The following KIAA1549 variants were observed in gnomAD, a reference collection of about 807,000 sequenced individuals.
The protein encoded by KIAA1549 is UPF0606 protein KIAA1549.
In KIAA1549, 70 loss-of-function variants were observed where a neutral mutation model predicts 156.4. The ratio of observed to expected loss-of-function variants is 0.45; its 90% CI spans 0.37 to 0.55. The LOEUF (loss-of-function observed/expected upper bound fraction) is 0.55. KIAA1549 is among the 20% of genes least tolerant of loss of function. The pLI, the probability that KIAA1549 is intolerant of heterozygous loss-of-function variation, is 0.00. For missense variants in KIAA1549, 2,428 were observed against 2,540.9 expected (o/e 0.96, Z 0.96); for synonymous variants, 1,103 against 1,066.4 (o/e 1.03, Z -0.67).
chr7:138,921,195 A>G (rs899709747), intron 1 of KIAA1549, among the ~76,000 whole-genome samples: 3 of 151,762 alleles, frequency 2.0e-5, no homozygotes, highest in African/African-American at 7.3e-5. Context: ...TTAGGAAGAA[A>G]AATATCCACT....
At chr7:138,893,625 C>T (rs1359204121) in intron 10 of KIAA1549, among the ~76,000 whole-genome samples, 2 of 152,174 alleles carry the variant, frequency 1.3e-5, no homozygotes, top group East Asian at 1.9e-4. Context: ...ATGTATTGTT[C>T]GTTTTTAATG....
chr7:138,841,857 T>G (rs546310219), intron 18 of KIAA1549, among the ~76,000 whole-genome samples: 1 of 150,352 alleles, frequency 6.7e-6, no homozygotes, highest in South Asian at 2.1e-4. Context: ...TGAGCTATCG[T>G]ACCTGACCGA....
At chr7:138,964,964 TTTC>T (rs1373446333) in intron 1 of KIAA1549, among the ~76,000 whole-genome samples, 1 of 150,452 alleles carries the variant, frequency 6.6e-6, no homozygotes, top group African/African-American at 2.5e-5. Flanking sequence ...TTTGTTTTTT[TTTC>T]TTTTTTTTTT....
Position 138,871,334 on chromosome 7 carries a change from C to A in KIAA1549, c.4374G>T (p.Glu1458Asp). The A allele has an allele frequency of 6.4e-7, 1 of 1,573,280 alleles. No homozygotes were observed. The highest frequency in any genetic ancestry group is 1.9e-5 in the Admixed American group (1 of 53,840). The stretch of plus-strand genomic sequence containing the variant: ...CGAAGATGGAGGCTGATGAGTGCTG[C>A]TCATTTCCCGAACTGGGCAGTGGTG... The part of the protein sequence containing the change: ...SGPPLPSSGN[E>D]QHSSASIFEH... Residue 1458 changes from glutamate to aspartate, a missense_variant, in exon 13 of 20, where the codon GAG becomes GAT. This residue lies in a region of KIAA1549 where 404 missense variants were observed against 417.0 expected (regional missense o/e 0.97). Coordinates refer to ENST00000422774, the MANE Select transcript of KIAA1549 (RefSeq NM_001164665.2).
rs1395495705 is a variant in KIAA1549 at position 138,918,527 on chromosome 7, C to G, written c.1099G>C (p.Ala367Pro). The change falls in exon 2 of 20, where the codon GCA becomes CCA. Residue 367 changes from alanine to proline, a missense_variant. This residue lies in a region of KIAA1549 where 893 missense variants were observed against 847.9 expected (regional missense o/e 1.05). Coordinates refer to ENST00000422774, the MANE Select transcript of KIAA1549 (RefSeq NM_001164665.2). The surrounding 1 kb of genome is among the most constrained non-coding windows in gnomAD (Gnocchi z 4.2). The stretch of plus-strand genomic sequence containing the variant: ...GTTGGTGAAGCAGAGGACGCAAATG[C>G]AAGAGGAGTTGAAAGCAATGGAGAA... ...THSPLLSTPL[A>P]FASSASPTDV... 2 of 1,613,892 alleles carry G rather than the reference C, an allele frequency of 1.2e-6. No individual in the cohort carries two copies. Among genetic ancestry groups the G allele is most frequent in the Non-Finnish European group, 1.7e-6 (2 of 1,179,900 alleles).
intron 1 of KIAA1549, among the ~76,000 whole-genome samples, chr7:138,963,795 T>C (rs1563095922): frequency 6.6e-6 from 1 of 152,188 alleles, no homozygotes; most frequent in African/African-American, 2.4e-5. Context: ...ACGGAGGAGA[T>C]GTATGACAAC....
At chr7:138,935,739 AT>A (rs1461417045) in intron 1 of KIAA1549, among the ~76,000 whole-genome samples, 1 of 152,212 alleles carries the variant, frequency 6.6e-6, no homozygotes, top group Non-Finnish European at 1.5e-5. Context: ...GGGGGTATTA[AT>A]TCCAACAAAC....
chr7:138,908,658 T>A (rs568814846), intron 5 of KIAA1549, among the ~76,000 whole-genome samples: 1 of 152,346 alleles, frequency 6.6e-6, no homozygotes, highest in Admixed American at 6.5e-5. Context: ...AGTAGCTATA[T>A]GGAAACAACA....
chr7:138,924,651 G>A (rs991198462), intron 1 of KIAA1549, among the ~76,000 whole-genome samples: 3 of 152,144 alleles, frequency 2.0e-5, no homozygotes, highest in African/African-American at 7.2e-5. Flanking sequence ...AAGCCAAGCT[G>A]GGATGCTTTT....
At chr7:138,875,139 A>T (rs1348631687) in intron 12 of KIAA1549, among the ~76,000 whole-genome samples, 1 of 152,250 alleles carries the variant, frequency 6.6e-6, no homozygotes, top group Non-Finnish European at 1.5e-5. Flanking sequence ...CAAAGTAATG[A>T]TAACTTTGTC....
chr7:138,836,495 T>C lies in KIAA1549; in HGVS notation c.*1411A>G, dbSNP rs553377759. On this transcript the variant is annotated 3_prime_UTR_variant, in exon 20 of 20. Transcript: ENST00000422774. ...CCCATCATTAAGCGATGCATGACTG[T>C]CTTCGCTGATCTAATAAAAACAGGT... 132 of 214,482 alleles carry C rather than the reference T, an allele frequency of 6.2e-4. No individual in the cohort carries two copies. The highest frequency in any genetic ancestry group is 2.9e-3 in the African/African-American group (127 of 44,378). 13.3% of individuals were successfully genotyped at this position (214,482 alleles called of 1,614,324 possible).
At chr7:138,929,997 T>C (rs1231889059) in intron 1 of KIAA1549, among the ~76,000 whole-genome samples, 1 of 152,238 alleles carries the variant, frequency 6.6e-6, no homozygotes, top group African/African-American at 2.4e-5. Flanking sequence ...ATTTCTTATA[T>C]AGTAAGACTT....
chr7:138,905,454 G>A (rs1317098384), intron 6 of KIAA1549, among the ~76,000 whole-genome samples: 3 of 152,130 alleles, frequency 2.0e-5, no homozygotes, highest in Non-Finnish European at 4.4e-5. Context: ...ACCTGCCCAG[G>A]ACCAGCCAGT....
In KIAA1549 at chr7:138,918,042, G is replaced by A. The variant is rs1223637910; in HGVS notation, c.1584C>T (p.Leu528=). 6.2e-7 allele frequency: 1 copy of A among 1,611,460 alleles called. No individual in the cohort carries two copies. Among genetic ancestry groups the A allele is most frequent in the Non-Finnish European group, 8.5e-7 (1 of 1,178,756 alleles). Residue 528 remains leucine, a synonymous_variant, in exon 2 of 20, where the codon CTC becomes CTT. Coordinates refer to ENST00000422774, the MANE Select transcript of KIAA1549 (RefSeq NM_001164665.2). The surrounding 1 kb of genome is among the most constrained non-coding windows in gnomAD (Gnocchi z 4.2). The part of the protein sequence containing the change: ...TTQVPPAHGR[L]SVPASLDPTA... ...TAGGATCAAGTGACGCCGGCACAGA[G>A]AGGCGGCCGTGGGCAGGGGGAACCT... is the stretch of plus-strand genomic sequence containing the variant.
chr7:138,962,276 C>T (rs1005700183), intron 1 of KIAA1549, among the ~76,000 whole-genome samples: 1 of 152,230 alleles, frequency 6.6e-6, no homozygotes, highest in African/African-American at 2.4e-5. Context: ...AGAGCTTTCT[C>T]AAGTAATTGT....
chr7:138,888,697 G>A (rs903572031), intron 10 of KIAA1549, among the ~76,000 whole-genome samples: 1 of 152,178 alleles, frequency 6.6e-6, no homozygotes, highest in South Asian at 2.1e-4. Flanking sequence ...CAGGCTAAGA[G>A]GTAACCCTCC....
At chr7:138,903,175 A>C (rs1346859694) in intron 8 of KIAA1549, among the ~76,000 whole-genome samples, 4 of 152,238 alleles carry the variant, frequency 2.6e-5, no homozygotes, top group African/African-American at 9.6e-5. Context: ...GTCTCCCTCT[A>C]TCTGCTCTCC....
chr7:138,894,479 A>T lies in KIAA1549; in HGVS notation c.3895T>A (p.Leu1299Met). The change falls in exon 10 of 20, where the codon TTG becomes ATG. Residue 1299 changes from leucine (L) to methionine (M), a missense_variant. By Grantham distance (15) the Leu-to-Met change is conservative. Transcript: ENST00000422774. ...RPSPESQSNNLWVIVGVVIPV... is the reference protein window; with the variant it reads ...RPSPESQSNNMWVIVGVVIPV... ...ATGACCACGCCAACAATGACCCACA[A>T]GTTGTTGCTCTGGGATTCCGGAGAC... 1 of 1,613,990 alleles carries T rather than the reference A, an allele frequency of 6.2e-7. No individual in the cohort carries two copies. The highest frequency in any genetic ancestry group is 1.6e-4 in the Middle Eastern group (1 of 6,062).
intron 1 of KIAA1549, among the ~76,000 whole-genome samples, chr7:138,933,442 G>A (rs1812926986): frequency 6.6e-6 from 1 of 152,206 alleles, no homozygotes. Flanking sequence ...AGACTGAGGA[G>A]CTGTGACAAC....
Sources: gnomAD v4.1 joint callset for allele counts (sites outside exome capture counted in the v4.1 genomes callset) on GRCh38, gnomAD v4.1.1 for gene constraint, gnomAD v4.1.1 regional missense constraint, Gnocchi (gnomAD v3.1) non-coding constraint, MANE v1.5 for transcripts, NCBI Gene and HGNC (gene_info 2026-07-23, HGNC 2026-07-21) for gene names.